CTNNAL1: variants seen among roughly 807,000 people sequenced by gnomAD.
CTNNAL1 encodes the protein alpha-catulin.
A neutral mutation model predicts 93.6 loss-of-function variants in CTNNAL1; 69 were observed. The ratio of observed to expected loss-of-function variants is 0.74; its 90% confidence interval spans 0.61 to 0.90. The LOEUF (loss-of-function observed/expected upper bound fraction) is 0.90, where lower values mean the gene tolerates loss of function less well. Among genes scored for constraint, CTNNAL1 ranks in the 40% least tolerant of loss-of-function variants. The pLI, the probability that CTNNAL1 is intolerant of heterozygous loss-of-function variation, is 0.00. For missense variants in CTNNAL1, 836 were observed against 862.0 expected, an observed-to-expected ratio of 0.97 and a Z score of 0.38; for synonymous variants, 286 against 305.4, an observed-to-expected ratio of 0.94 and a Z score of 0.66.
At chr9:108,976,673 G>A (rs1436896670) in intron 8 of CTNNAL1, among the ~76,000 whole-genome samples, 1 of 152,034 alleles carries the variant, frequency 6.6e-6, no homozygotes, top group African/African-American at 2.4e-5. Context: ...TGGGACTACA[G>A]GTGCTAACCA....
chr9:109,003,002 A>T (rs1478523501), intron 1 of CTNNAL1, among the ~76,000 whole-genome samples: 1 of 152,170 alleles, frequency 6.6e-6, no homozygotes, highest in Non-Finnish European at 1.5e-5. Context: ...TCAAAAAAAA[A>T]AATCTTCTCC....
At chr9:108,997,424 A>G (rs1832064164) in intron 2 of CTNNAL1, among the ~76,000 whole-genome samples, 1 of 152,244 alleles carries the variant, frequency 6.6e-6, no homozygotes, top group Non-Finnish European at 1.5e-5. Flanking sequence ...TCTATCTAAC[A>G]TAAAAGATCT....
intron 11 of CTNNAL1, among the ~76,000 whole-genome samples, chr9:108,958,205 T>C (rs986288445): frequency 2.0e-5 from 3 of 152,142 alleles, no homozygotes; most frequent in African/African-American, 7.2e-5. Flanking sequence ...TTATCTAACT[T>C]AGTAATCATC....
intron 1 of CTNNAL1, among the ~76,000 whole-genome samples, chr9:109,004,941 A>G (rs1826971506): frequency 6.6e-6 from 1 of 152,194 alleles, no homozygotes; most frequent in Non-Finnish European, 1.5e-5. Context: ...TTAAAGATTA[A>G]AAAACTGAGG....
intron 4 of CTNNAL1, among the ~76,000 whole-genome samples, chr9:108,988,840 A>G: frequency 6.6e-6 from 1 of 152,342 alleles, no homozygotes; most frequent in East Asian, 1.9e-4. Context: ...GGTTAACAGT[A>G]AGCAGCTGAT....
At chr9:109,005,679 T>G (rs1191115582) in intron 1 of CTNNAL1, among the ~76,000 whole-genome samples, 1 of 152,242 alleles carries the variant, frequency 6.6e-6, no homozygotes, top group Admixed American at 6.5e-5. Flanking sequence ...TTCTGTTGTT[T>G]AAGGCACCCA....
intron 6 of CTNNAL1, 55 bp from the exon 7 acceptor site, chr9:108,979,536 C>T: frequency 6.5e-7 from 1 of 1,532,458 alleles, no homozygotes; most frequent in Non-Finnish European, 8.9e-7. Context: ...CCCACCTGAC[C>T]AAAATGGGCT....
In CTNNAL1 at chr9:108,984,333, C is replaced by A; in HGVS notation, c.729+14G>T. On this transcript the variant is annotated intron_variant, in intron 5 of 18. Transcript: ENST00000325551. The stretch of plus-strand genomic sequence containing the variant: ...TTATTAATTTATTACACAGTAAAAC[C>A]AAAATTGTCTTACCTTTGAAGCTGT... The A allele has an allele frequency of 6.6e-7, 1 of 1,517,172 alleles. No individual in the cohort carries two copies. Among genetic ancestry groups the A allele is most frequent in the Admixed American group, 1.7e-5 (1 of 57,994 alleles). 94.0% of individuals were successfully genotyped at this position (1,517,172 alleles called of 1,614,324 possible).
In CTNNAL1 at chr9:108,992,111, T is replaced by C. The variant is rs771876982; in HGVS notation, c.519+521A>G. 30 of 754,760 alleles carry C rather than the reference T, an allele frequency of 4.0e-5. No individual in the cohort carries two copies. In the South Asian group the frequency reaches 4.2e-4, roughly 11 times the overall value. 46.8% of individuals were successfully genotyped at this position (754,760 alleles called of 1,614,324 possible). A position where few individuals can be genotyped will look rare whatever the true frequency, so the allele number is the denominator to read the frequency against. ...AAAGTACAGAAGAATTCAGTATTTT[T>C]ATCAACTAGGTTTCTGCTACATACA... On this transcript the variant is annotated intron_variant, in intron 3 of 18. Coordinates refer to ENST00000325551, the MANE Select transcript of CTNNAL1 (RefSeq NM_003798.4).
At chr9:108,951,300 C>T (rs1281944073) in intron 14 of CTNNAL1, among the ~76,000 whole-genome samples, 1 of 151,868 alleles carries the variant, frequency 6.6e-6, no homozygotes, top group Non-Finnish European at 1.5e-5. Flanking sequence ...CAGGCGTGAG[C>T]CACCATGCCC....
rs78555162 is a variant in CTNNAL1 at position 109,002,821 on chromosome 9, T to TA, written c.142-3566dup. Among the ~76,000 whole-genome samples, 781 of 124,860 alleles carry TA rather than the reference T, an allele frequency of 6.3e-3. 11 individuals are homozygous for TA. Among genetic ancestry groups the TA allele is most frequent in the East Asian group, 0.054 (233 of 4,314 alleles). The allele number at this position is 124,860 out of a possible 152,430, so 81.9% of individuals were successfully genotyped here. A position where few individuals can be genotyped will look rare whatever the true frequency, so the allele number is the denominator to read the frequency against. On this transcript the variant is annotated intron_variant, in intron 1 of 18. Transcript: ENST00000325551. ...CAACATGGAGAAACCCCATCTCCACTAAAAAAAAAAAAAAGAAAAAAGTTA... is the reference window on the plus strand; with the variant it reads ...CAACATGGAGAAACCCCATCTCCACTAAAAAAAAAAAAAAAGAAAAAAGTTA...
intron 11 of CTNNAL1, among the ~76,000 whole-genome samples, chr9:108,963,301 G>A (rs907076911): frequency 6.6e-6 from 1 of 152,156 alleles, no homozygotes; most frequent in Non-Finnish European, 1.5e-5. Flanking sequence ...TAGAAACTGC[G>A]AGCATCTCAA....
Position 108,958,063 on chromosome 9 carries a change from C to CAAAAAAAAAAA in CTNNAL1, c.1592-2247_1592-2237dup, listed in dbSNP as rs11291554. ...CCTGGGTGATAGAGCAAGACTGTCT[C>CAAAAAAAAAAA]AAAAAAAAAAAAAAAAAAAAACAAA... On this transcript the variant is annotated intron_variant, in intron 11 of 18. Coordinates refer to ENST00000325551, the MANE Select transcript of CTNNAL1 (RefSeq NM_003798.4). 4.4e-3 allele frequency among the ~76,000 whole-genome samples: 377 copies of CAAAAAAAAAAA among 85,058 alleles called. 2 individuals carry two copies. Among genetic ancestry groups the CAAAAAAAAAAA allele is most frequent in the Non-Finnish European group, 7.1e-3 (315 of 44,656 alleles). 55.8% of individuals were successfully genotyped at this position (85,058 alleles called of 152,430 possible). A position where few individuals can be genotyped will look rare whatever the true frequency, so the allele number is the denominator to read the frequency against.
In CTNNAL1 at chr9:109,013,407, G is replaced by C. The variant is rs748653482; in HGVS notation, c.36C>G (p.Gly12=). 15 of 1,488,164 alleles carry C rather than the reference G, an allele frequency of 1.0e-5. No individual in the cohort carries two copies. The Admixed American group carries it at 1.7e-4, about 16-fold the overall frequency. 92.2% of individuals were successfully genotyped at this position (1,488,164 alleles called of 1,614,324 possible). ...AGCCGGAGCCGTAGACTGCTCCGGC[G>C]CCGCCAACGCCGGCGGGTCCGGGAG... ...AASPGPAGVG[G]AGAVYGSGSS... The change falls in exon 1 of 19, where the codon GGC becomes GGG. Residue 12 remains glycine, a synonymous_variant. Transcript: ENST00000325551.
At chr9:109,006,122 T>C (rs1827018894) in intron 1 of CTNNAL1, among the ~76,000 whole-genome samples, 1 of 152,198 alleles carries the variant, frequency 6.6e-6, no homozygotes, top group Non-Finnish European at 1.5e-5. Context: ...TTACCCATAA[T>C]CCTACTAACC....
At position 108,976,992 on chromosome 9, in the gene CTNNAL1, G is replaced by T; in HGVS notation, c.1158C>A (p.Ile386=). 6.6e-7 allele frequency: 1 copy of T among 1,517,490 alleles called. No homozygotes were observed. The highest frequency in any genetic ancestry group is 1.3e-5 in the South Asian group (1 of 77,784). The allele number at this position is 1,517,490 out of a possible 1,614,324, so 94.0% of individuals were successfully genotyped here. A position where few individuals can be genotyped will look rare whatever the true frequency, so the allele number is the denominator to read the frequency against. Residue 386 remains isoleucine, a synonymous_variant, in exon 8 of 19, where the codon ATC becomes ATA. Transcript: ENST00000325551. ...TCTTAAGTTCATTAAGACTGTGACT[G>T]ATTTTCAAAATACTGAGTTCCAGTT... ...AEELELSILK[I]SHSLNELKKE...
intron 8 of CTNNAL1, 30 bp from the exon 9 acceptor site, chr9:108,972,863 G>GCCCCC: frequency 2.2e-5 from 5 of 231,676 alleles, no homozygotes; most frequent in Non-Finnish European, 2.8e-5. Flanking sequence ...TGGGGGGGTG[G>GCCCCC]GAGGGTGGAG....
chr9:108,997,905 C>A (rs1471156420), intron 2 of CTNNAL1, among the ~76,000 whole-genome samples: 2 of 152,188 alleles, frequency 1.3e-5, no homozygotes, highest in African/African-American at 4.8e-5. Flanking sequence ...TCCTCACACC[C>A]CCTAAAATGT....
intron 11 of CTNNAL1, among the ~76,000 whole-genome samples, chr9:108,962,716 A>G (rs1369981404): frequency 6.6e-6 from 1 of 152,210 alleles, no homozygotes; most frequent in African/African-American, 2.4e-5. Flanking sequence ...CTCATAAACT[A>G]TTTAGTTTTA....
Sources: allele counts gnomAD v4.1 joint callset (sites outside exome capture counted in the v4.1 genomes callset), GRCh38; gene constraint gnomAD v4.1.1; transcripts MANE v1.5; gene names NCBI Gene and HGNC (gene_info 2026-07-23, HGNC 2026-07-21).